Variants in TMEM108 observed in about 807,000 individuals in gnomAD.
TMEM108 encodes transmembrane protein 108, also known as cancer/testis antigen 124.
Under a neutral mutation model 35.1 loss-of-function variants are expected in TMEM108, and 12 were observed. The observed-to-expected ratio is 0.34, with a 90% CI of 0.22 to 0.55. The LOEUF (loss-of-function observed/expected upper bound fraction) is 0.55, where lower values mean the gene tolerates loss of function less well. TMEM108 is among the 20% of genes least tolerant of loss of function. The pLI is 0.89. For missense variants in TMEM108, 680 were observed against 753.3 expected, an observed-to-expected ratio of 0.90 and a Z score of 1.14; for synonymous variants, 287 against 308.6, an observed-to-expected ratio of 0.93 and a Z score of 0.73.
intron 2 of TMEM108, among the ~76,000 whole-genome samples, chr3:133,211,241 C>T (rs755978113): frequency 5.3e-5 from 8 of 152,078 alleles, no homozygotes; most frequent in Non-Finnish European, 1.2e-4. Context: ...AGAACTGTGC[C>T]TACTTTCTAT....
Position 133,301,361 on chromosome 3 carries a change from C to G in TMEM108, c.40+72010C>G, listed in dbSNP as rs368394013. Among the ~76,000 whole-genome samples the G allele has an allele frequency of 1.1e-3, 172 of 152,168 alleles. 4 individuals are homozygous for G. The highest frequency in any genetic ancestry group is 4.1e-3 in the African/African-American group (169 of 41,488). The stretch of plus-strand genomic sequence containing the variant: ...TATCTGGTCATTTTGGTTGTCTCGA[C>G]GCAGGAAAGTGGAAAATGCATTTTT... On this transcript the variant is annotated intron_variant, in intron 3 of 5. Coordinates refer to ENST00000321871, the MANE Select transcript of TMEM108 (RefSeq NM_023943.4).
chr3:133,385,868 C>T (rs539366802), intron 4 of TMEM108, among the ~76,000 whole-genome samples: 1 of 152,298 alleles, frequency 6.6e-6, no homozygotes, highest in Admixed American at 6.5e-5. Context: ...TTAGTTCCTT[C>T]GAGATGCAGG....
intron 2 of TMEM108, among the ~76,000 whole-genome samples, chr3:133,126,624 A>T (rs909224840): frequency 3.9e-5 from 6 of 152,146 alleles, no homozygotes; most frequent in Admixed American, 2.6e-4. Flanking sequence ...AAATAAAAGG[A>T]AACATGAAAT....
rs1189218968 is a variant in TMEM108 at position 133,277,589 on chromosome 3, TAGTGGTA to T, written c.40+48241_40+48247del. 2.0e-5 allele frequency among the ~76,000 whole-genome samples: 3 copies of T among 152,300 alleles called. No individual in the cohort carries two copies. In the East Asian group the frequency reaches 5.8e-4, roughly 29 times the overall value. On this transcript the variant is annotated intron_variant, in intron 3 of 5. Coordinates refer to ENST00000321871, the MANE Select transcript of TMEM108 (RefSeq NM_023943.4). The stretch of plus-strand genomic sequence containing the variant: ...TGACTTTCAGTTTCAGGATTTGGTG[TAGTGGTA>T]AGAGCCCAGGCACCAGACTCAGTCA...
At chr3:133,058,829 C>A (rs1417774631) in intron 2 of TMEM108, among the ~76,000 whole-genome samples, 1 of 152,202 alleles carries the variant, frequency 6.6e-6, no homozygotes, top group Non-Finnish European at 1.5e-5. Context: ...CTCTTGTATT[C>A]TTTGTGTTGC....
chr3:133,163,390 GGT>G (rs1944989029), intron 2 of TMEM108, among the ~76,000 whole-genome samples: 1 of 152,186 alleles, frequency 6.6e-6, no homozygotes, highest in African/African-American at 2.4e-5. Context: ...GGGATGGCAT[GGT>G]GTTGTCCAAC....
chr3:133,317,024 G>A (rs2071208301), intron 3 of TMEM108, among the ~76,000 whole-genome samples: 1 of 152,116 alleles, frequency 6.6e-6, no homozygotes, highest in Non-Finnish European at 1.5e-5. Flanking sequence ...AAATTCCAGT[G>A]TGGCCAGGAT....
In TMEM108 at chr3:133,381,060, T is replaced by A. The variant is rs1454387453; in HGVS notation, c.1349T>A (p.Val450Glu). The A allele has an allele frequency of 5.6e-6, 9 of 1,614,094 alleles. No individual in the cohort carries two copies. The highest frequency in any genetic ancestry group is 7.6e-6 in the Non-Finnish European group (9 of 1,180,032). The change falls in exon 4 of 6, where the codon GTG (valine) becomes GAG (glutamate). Residue 450 changes from valine (V) to glutamate (E), a missense_variant. Physicochemically the swap from Val to Glu is moderately radical, Grantham distance 121. Transcript: ENST00000321871. ...KPGTAGNISH[V>E]AEGDKPQHRA... ...GGGACAGCAGGGAACATCTCCCATG[T>A]GGCCGAGGGGGACAAACCGCAGCAC...
At chr3:133,387,939 C>T (rs1214641986) in intron 4 of TMEM108, 8 of 985,314 alleles carry the variant, frequency 8.1e-6, no homozygotes, top group Non-Finnish European at 8.4e-6. Flanking sequence ...ATCTTTCTAC[C>T]TTAGAGAGGC....
At chr3:133,065,886 G>A (rs556155907) in intron 2 of TMEM108, among the ~76,000 whole-genome samples, 95 of 152,076 alleles carry the variant, frequency 6.2e-4, no homozygotes, top group Non-Finnish European at 1.2e-3. Context: ...TTTTAGTTCC[G>A]TGAACAAGGA....
In TMEM108 at chr3:133,277,634, C is replaced by T. The variant is rs543288026; in HGVS notation, c.40+48283C>T. ...CCAGACTCAGTCAGCCCTGGCATTC[C>T]GCCGGGCACCGCATTGTTCTATTTA... On this transcript the variant is annotated intron_variant, in intron 3 of 5. Coordinates refer to ENST00000321871, the MANE Select transcript of TMEM108 (RefSeq NM_023943.4). Among the ~76,000 whole-genome samples, 45 of 152,274 alleles carry T rather than the reference C, an allele frequency of 3.0e-4. No homozygotes were observed. In the Middle Eastern group the frequency reaches 0.01, roughly 35 times the overall value.
intron 2 of TMEM108, among the ~76,000 whole-genome samples, chr3:133,104,925 T>G (rs942730825): frequency 1.3e-5 from 2 of 152,174 alleles, no homozygotes; most frequent in Non-Finnish European, 2.9e-5. Flanking sequence ...ACTTACCTGG[T>G]GTTTGTTACC....
chr3:133,072,654 A>G (rs1472657899), intron 2 of TMEM108, among the ~76,000 whole-genome samples: 1 of 152,134 alleles, frequency 6.6e-6, no homozygotes, highest in East Asian at 1.9e-4. Context: ...TAACAGCTTT[A>G]TTGAGTTATA....
intron 3 of TMEM108, among the ~76,000 whole-genome samples, chr3:133,274,791 A>G (rs907236439): frequency 1.3e-5 from 2 of 152,154 alleles, no homozygotes; most frequent in East Asian, 3.9e-4. Flanking sequence ...TTCTGCAGGC[A>G]GTGGACCTTT....
intron 2 of TMEM108, among the ~76,000 whole-genome samples, chr3:133,178,974 C>G (rs1172882023): frequency 1.3e-5 from 2 of 151,772 alleles, no homozygotes; most frequent in East Asian, 3.9e-4. Context: ...AAAAAAACAA[C>G]CCCATCAAAA....
chr3:133,325,729 AAAT>A (rs1335580245), intron 3 of TMEM108, among the ~76,000 whole-genome samples: 3 of 149,540 alleles, frequency 2.0e-5, no homozygotes, highest in Admixed American at 6.7e-5. Flanking sequence ...TATATATAAA[AAAT>A]AATAAAATAA....
At chr3:133,296,087 C>G (rs528685363) in intron 3 of TMEM108, among the ~76,000 whole-genome samples, 7 of 152,284 alleles carry the variant, frequency 4.6e-5, no homozygotes, top group Admixed American at 6.5e-5. Context: ...TCTAGCATGT[C>G]TAATGTCTGA....
At chr3:133,388,405 A>G (rs2073186401) in intron 4 of TMEM108, 3 of 985,448 alleles carry the variant, frequency 3.0e-6, no homozygotes, top group Non-Finnish European at 3.6e-6. Context: ...GGCCTGAATT[A>G]GCAAGTTTCA....
chr3:133,204,132 G>A (rs567322266), intron 2 of TMEM108, among the ~76,000 whole-genome samples: 4 of 152,162 alleles, frequency 2.6e-5, no homozygotes, highest in African/African-American at 9.6e-5. Context: ...TGTGGGATCA[G>A]TGGTGACTGA....
Sources: allele counts gnomAD v4.1 joint callset (sites outside exome capture counted in the v4.1 genomes callset), GRCh38; gene constraint gnomAD v4.1.1; transcripts MANE v1.5; gene names NCBI Gene and HGNC (gene_info 2026-07-23, HGNC 2026-07-21).